The following KAZN variants were observed in gnomAD, a reference collection of about 807,000 sequenced individuals.
KAZN encodes the protein kazrin.
KAZN carries 40 observed loss-of-function variants against 87.4 expected under a neutral mutation model. The observed-to-expected ratio is 0.46, with a 90% CI of 0.36 to 0.60. The LOEUF (loss-of-function observed/expected upper bound fraction) is 0.60. Ranked by LOEUF, KAZN falls within the 20% of genes least tolerant of loss-of-function variation. KAZN has a pLI of 0.00. For synonymous variants in KAZN, 466 were observed against 458.3 expected, an observed-to-expected ratio of 1.02 and a Z score of -0.22; for missense variants, 898 against 1,073.9, an observed-to-expected ratio of 0.84 and a Z score of 2.29.
At chr1:13,907,180 G>T (rs1039923044) in intron 1 of KAZN, among the ~76,000 whole-genome samples, 1 of 152,144 alleles carries the variant, frequency 6.6e-6, no homozygotes, top group Admixed American at 6.5e-5. Context: ...CCCTGAGAAG[G>T]TATCTCCACC....
Position 15,099,300 on chromosome 1 carries a change from A to G in KAZN, c.1548-2243A>G, listed in dbSNP as rs1342611947. 6.6e-6 allele frequency among the ~76,000 whole-genome samples: 1 copy of G among 152,216 alleles called. No individual in the cohort carries two copies. Among genetic ancestry groups the G allele is most frequent in the African/African-American group, 2.4e-5 (1 of 41,458 alleles). ...CGTAGACTGTGCTGTTTGGCAGTGA[A>G]CGCAGTTTCTGTCCTGAATGAGCTT... On this transcript the variant is annotated intron_variant, in intron 10 of 14. Coordinates refer to ENST00000376030, the MANE Select transcript of KAZN (RefSeq NM_201628.3). The surrounding 1 kb of genome is among the most constrained non-coding windows in gnomAD (Gnocchi z 5.4).
chr1:13,933,427 G>T (rs1384428998), intron 1 of KAZN, among the ~76,000 whole-genome samples: 1 of 152,146 alleles, frequency 6.6e-6, no homozygotes, highest in Middle Eastern at 3.2e-3. Context: ...GGGAGACGGA[G>T]GTTGTGGCGA....
At chr1:14,736,702 A>G (rs1412281694) in intron 1 of KAZN, among the ~76,000 whole-genome samples, 1 of 152,132 alleles carries the variant, frequency 6.6e-6, no homozygotes, top group Admixed American at 6.5e-5. Flanking sequence ...AGACAGTTCT[A>G]TAAAAATAAA....
intron 4 of KAZN, among the ~76,000 whole-genome samples, chr1:15,047,143 C>T (rs1227275054): frequency 6.6e-6 from 1 of 152,222 alleles, no homozygotes; most frequent in Non-Finnish European, 1.5e-5. Context: ...ATGTTAACAG[C>T]ACATGCAGTG....
At chr1:15,069,341 G>A (rs918520233) in intron 8 of KAZN, among the ~76,000 whole-genome samples, 4 of 152,154 alleles carry the variant, frequency 2.6e-5, no homozygotes, top group Admixed American at 1.3e-4. Flanking sequence ...AACTAACCCC[G>A]TCTCTCATGC....
intron 2 of KAZN, among the ~76,000 whole-genome samples, chr1:14,387,597 T>TG (rs1321353612): frequency 2.6e-5 from 4 of 152,130 alleles, no homozygotes; most frequent in Admixed American, 6.5e-5. Flanking sequence ...CTGCCCCTGC[T>TG]TGGGGGGTGC....
chr1:15,048,555 G>T (rs188541567), intron 4 of KAZN, among the ~76,000 whole-genome samples: 19 of 151,802 alleles, frequency 1.3e-4, no homozygotes, highest in Non-Finnish European at 2.2e-4. Flanking sequence ...ATCCTTGGTT[G>T]TTGGTCCTGG....
At position 15,099,967 on chromosome 1, in the gene KAZN, G is replaced by A. The variant is rs780788684; in HGVS notation, c.1548-1576G>A. On this transcript the variant is annotated intron_variant, in intron 10 of 14. Coordinates refer to ENST00000376030, the MANE Select transcript of KAZN (RefSeq NM_201628.3). This position sits in a 1 kb window ranked among gnomAD's most constrained non-coding sequence, Gnocchi z 5.4. ...TGACAGAGAAGGGCCCCTGGGTGAC[G>A]GTGACAGTGACAGTGAAGGGGAACA... Among the ~76,000 whole-genome samples the A allele has an allele frequency of 7.2e-5, 11 of 152,118 alleles. No individual in the cohort carries two copies. The highest frequency in any genetic ancestry group is 2.1e-4 in the South Asian group (1 of 4,822).
chr1:14,076,064 G>A (rs1298559756), intron 1 of KAZN, among the ~76,000 whole-genome samples: 1 of 152,088 alleles, frequency 6.6e-6, no homozygotes, highest in African/African-American at 2.4e-5. Flanking sequence ...GGTGGATCAC[G>A]AGATCAGGAG....
chr1:14,777,251 C>T (rs1645207606), intron 1 of KAZN, among the ~76,000 whole-genome samples: 1 of 152,110 alleles, frequency 6.6e-6, no homozygotes, highest in South Asian at 2.1e-4. Context: ...CTGCCTCAGC[C>T]TCCCAAAGTG....
chr1:14,810,201 T>A (rs571840346), intron 1 of KAZN, among the ~76,000 whole-genome samples: 1 of 152,126 alleles, frequency 6.6e-6, no homozygotes, highest in African/African-American at 2.4e-5. Flanking sequence ...TCAAGAATCA[T>A]GGACTGGGAG....
chr1:14,838,558 G>T (rs1268453515), intron 1 of KAZN, among the ~76,000 whole-genome samples: 3 of 152,130 alleles, frequency 2.0e-5, no homozygotes, highest in Non-Finnish European at 4.4e-5. Flanking sequence ...AGGTTCCAAG[G>T]TGTGCCTCGG....
intron 1 of KAZN, among the ~76,000 whole-genome samples, chr1:14,862,142 C>T (rs1650929034): frequency 6.6e-6 from 1 of 152,078 alleles, no homozygotes; most frequent in Non-Finnish European, 1.5e-5. Context: ...AGAAACAGTC[C>T]CCCTCCTCTC....
intron 2 of KAZN, among the ~76,000 whole-genome samples, chr1:14,307,963 G>C (rs1193854806): frequency 2.0e-5 from 3 of 152,308 alleles, no homozygotes; most frequent in South Asian, 4.1e-4. Flanking sequence ...GTGATGCGCT[G>C]AGGATACAAC....
At position 14,358,438 on chromosome 1, in the gene KAZN, A is replaced by G. The variant is rs547663895; in HGVS notation, c.249+177846A>G. Among the ~76,000 whole-genome samples the G allele has an allele frequency of 1.4e-5, 2 of 147,804 alleles. 1 individual carries two copies. The highest frequency in any genetic ancestry group is 5.0e-5 in the African/African-American group (2 of 40,316). ...CTCTATCTCCTTCAGTTCTGCTCTG[A>G]TTTTAGTTATTTCTTGTATTTTGCT... On this transcript the variant is annotated intron_variant, in intron 2 of 16. Coordinates refer to the KAZN transcript ENST00000636203.
intron 2 of KAZN, among the ~76,000 whole-genome samples, chr1:14,368,197 C>G (rs1302914583): frequency 2.0e-5 from 3 of 152,094 alleles, no homozygotes; most frequent in African/African-American, 7.2e-5. Flanking sequence ...GGAAAGAAAA[C>G]AGGAGCAGGG....
At chr1:14,988,116 G>C (rs556080086) in intron 2 of KAZN, among the ~76,000 whole-genome samples, 28 of 152,178 alleles carry the variant, frequency 1.8e-4, no homozygotes, top group Admixed American at 3.3e-4. Flanking sequence ...AACCAGTAGT[G>C]AGCAGGAAGT....
intron 1 of KAZN, among the ~76,000 whole-genome samples, chr1:14,838,043 G>T (rs1364904164): frequency 1.3e-5 from 2 of 152,144 alleles, no homozygotes; most frequent in Admixed American, 1.3e-4. Flanking sequence ...AGTTCTGGAG[G>T]CTGGGAAGTC....
chr1:14,476,920 C>T (rs1205200838), intron 2 of KAZN, among the ~76,000 whole-genome samples: 1 of 152,180 alleles, frequency 6.6e-6, no homozygotes, highest in Non-Finnish European at 1.5e-5. Context: ...GCCTTTGCAC[C>T]TCATGTTCCC....
Sources: gnomAD v4.1 joint callset for allele counts (sites outside exome capture counted in the v4.1 genomes callset) on GRCh38, gnomAD v4.1.1 for gene constraint, Gnocchi (gnomAD v3.1) non-coding constraint, MANE v1.5 for transcripts, NCBI Gene and HGNC (gene_info 2026-07-23, HGNC 2026-07-21) for gene names.